THEMIS: variants seen among roughly 807,000 people sequenced by gnomAD.
THEMIS encodes protein THEMIS.
Under a neutral mutation model 52.6 loss-of-function variants are expected in THEMIS, and 37 were observed. The ratio of observed to expected loss-of-function variants is 0.70; its 90% confidence interval spans 0.54 to 0.93. The LOEUF (loss-of-function observed/expected upper bound fraction) is 0.93, where lower values mean the gene tolerates loss of function less well. Ranked by LOEUF, THEMIS falls within the 40% of genes least tolerant of loss-of-function variation. The pLI, the probability that THEMIS is intolerant of heterozygous loss-of-function variation, is 0.00. For missense variants in THEMIS, 808 were observed against 763.1 expected (o/e 1.06, Z -0.69); for synonymous variants, 292 against 272.7 (o/e 1.07, Z -0.70).
At chr6:127,707,690 T>C (rs1439480710), downstream of THEMIS, among the ~76,000 whole-genome samples, 1 of 152,122 alleles carries the variant, frequency 6.6e-6, no homozygotes, top group African/African-American at 2.4e-5. Context: ...TAATTCTGAC[T>C]CTCCCCAGCG....
intron 2 of THEMIS, among the ~76,000 whole-genome samples, chr6:127,830,808 A>G (rs910050160): frequency 1.3e-5 from 2 of 152,236 alleles, no homozygotes; most frequent in African/African-American, 4.8e-5. Context: ...TACACTTTAA[A>G]ATGGTAAAGT....
intron 3 of THEMIS, among the ~76,000 whole-genome samples, chr6:127,820,613 T>A (rs1485608047): frequency 6.6e-5 from 10 of 152,068 alleles, no homozygotes; most frequent in Non-Finnish European, 1.2e-4. Flanking sequence ...TGGCAGATTA[T>A]CTGATAACTC....
chr6:127,891,137 G>A (rs569866513), intron 1 of THEMIS, among the ~76,000 whole-genome samples: 71 of 152,108 alleles, frequency 4.7e-4, no homozygotes, highest in Non-Finnish European at 7.6e-4. Flanking sequence ...TCATGACTCT[G>A]TCAAATACAC....
chr6:127,907,820 G>T (rs550138035), intron 1 of THEMIS, among the ~76,000 whole-genome samples: 2 of 130,772 alleles, frequency 1.5e-5, no homozygotes, highest in African/African-American at 5.9e-5. Context: ...CCAACCATAT[G>T]TACATTCTTC....
chr6:127,768,348 C>T (rs1449650163), intron 4 of THEMIS, among the ~76,000 whole-genome samples: 1 of 152,156 alleles, frequency 6.6e-6, no homozygotes, highest in Admixed American at 6.5e-5. Context: ...ACTCCAAGCA[C>T]ATTTCCCTCC....
chr6:127,825,933 A>G (rs1778492686), intron 3 of THEMIS, among the ~76,000 whole-genome samples: 2 of 152,146 alleles, frequency 1.3e-5, no homozygotes, highest in South Asian at 4.1e-4. Context: ...ATGGAATTAT[A>G]CTCGTTATAC....
intron 1 of THEMIS, among the ~76,000 whole-genome samples, chr6:127,893,586 G>A (rs779673587): frequency 2.0e-5 from 3 of 152,188 alleles, no homozygotes; most frequent in South Asian, 2.1e-4. Flanking sequence ...GCTTCACATC[G>A]ATACGGCTCC....
At chr6:127,910,594 T>A (rs1033404128) in intron 1 of THEMIS, among the ~76,000 whole-genome samples, 5 of 152,154 alleles carry the variant, frequency 3.3e-5, no homozygotes, top group African/African-American at 1.2e-4. Context: ...ACATTTGAAA[T>A]GGAGTTTATA....
chr6:127,892,439 A>G (rs1028053273), intron 1 of THEMIS, among the ~76,000 whole-genome samples: 1 of 152,148 alleles, frequency 6.6e-6, no homozygotes, highest in African/African-American at 2.4e-5. Context: ...TGACACTTGT[A>G]TATATTCTAA....
chr6:127,851,521 A>T (rs1022585972), intron 2 of THEMIS, among the ~76,000 whole-genome samples: 48 of 151,908 alleles, frequency 3.2e-4, no homozygotes, highest in African/African-American at 1.1e-3. Context: ...TTTTAAAAAA[A>T]TGAGCAAAAG....
At chr6:127,754,686 A>G (rs1182754744) in intron 4 of THEMIS, among the ~76,000 whole-genome samples, 3 of 152,186 alleles carry the variant, frequency 2.0e-5, no homozygotes, top group Non-Finnish European at 4.4e-5. Flanking sequence ...TAATGAGAAA[A>G]TAACCCTAAG....
chr6:127,891,741 C>T (rs1272679982), intron 1 of THEMIS, among the ~76,000 whole-genome samples: 1 of 152,012 alleles, frequency 6.6e-6, no homozygotes, highest in Non-Finnish European at 1.5e-5. Flanking sequence ...CAGTGATCTT[C>T]CTCAAATGGC....
At chr6:127,771,841 C>A (rs1337776930) in intron 4 of THEMIS, among the ~76,000 whole-genome samples, 1 of 152,074 alleles carries the variant, frequency 6.6e-6, no homozygotes, top group East Asian at 1.9e-4. Flanking sequence ...CCCACTATAT[C>A]TTCCTCTTCC....
intron 1 of THEMIS, among the ~76,000 whole-genome samples, chr6:127,887,503 C>T (rs919138266): frequency 1.3e-5 from 2 of 151,954 alleles, no homozygotes; most frequent in African/African-American, 4.8e-5. Flanking sequence ...TATATCCATA[C>T]AATAAAATAC....
At chr6:127,791,880 G>A (rs1483241077) in intron 4 of THEMIS, among the ~76,000 whole-genome samples, 1 of 152,178 alleles carries the variant, frequency 6.6e-6, no homozygotes, top group Non-Finnish European at 1.5e-5. Context: ...CCACAACTTT[G>A]CTCTGAAATT....
intron 1 of THEMIS, among the ~76,000 whole-genome samples, chr6:127,881,666 G>A (rs969653416): frequency 1.3e-5 from 2 of 151,808 alleles, no homozygotes; most frequent in Non-Finnish European, 3.0e-5. Context: ...TTCCTCTACA[G>A]CTTTTGAAAA....
At chr6:127,777,624 T>G (rs1776608807) in intron 4 of THEMIS, among the ~76,000 whole-genome samples, 1 of 152,204 alleles carries the variant, frequency 6.6e-6, no homozygotes, top group Non-Finnish European at 1.5e-5. Flanking sequence ...CTATGGAAAC[T>G]ATTTTTAGTG....
At chr6:127,800,790 C>G (rs1156441646) in intron 4 of THEMIS, among the ~76,000 whole-genome samples, 1 of 152,164 alleles carries the variant, frequency 6.6e-6, no homozygotes, top group Non-Finnish European at 1.5e-5. Flanking sequence ...GCTTCCTGCC[C>G]TTGAACATCG....
chr6:127,776,721 A>G (rs1225722112), intron 4 of THEMIS, among the ~76,000 whole-genome samples: 1 of 152,234 alleles, frequency 6.6e-6, no homozygotes, highest in Non-Finnish European at 1.5e-5. Flanking sequence ...TTTATGCAAC[A>G]ATAGATAACT....
Sources: gnomAD v4.1 joint callset for allele counts (sites outside exome capture counted in the v4.1 genomes callset) on GRCh38, gnomAD v4.1.1 for gene constraint, MANE v1.5 for transcripts, NCBI Gene and HGNC (gene_info 2026-07-23, HGNC 2026-07-21) for gene names.